The following ATP13A3 variants were observed in gnomAD, a reference collection of about 807,000 sequenced individuals.
ATP13A3 encodes polyamine-transporting ATPase 13A3.
A neutral mutation model predicts 158.1 loss-of-function variants in ATP13A3; 59 were observed. That is an observed-to-expected ratio of 0.37 (90% confidence interval 0.30 to 0.46). ATP13A3 has a LOEUF of 0.46. Among genes scored for constraint, ATP13A3 ranks in the 20% least tolerant of loss-of-function variants. ATP13A3 has a pLI of 1.00. For missense variants in ATP13A3, 1,166 were observed against 1,525.2 expected (o/e 0.76, Z 3.92); for synonymous variants, 491 against 504.3 (o/e 0.97, Z 0.35).
Position 194,437,544 on chromosome 3 carries a change from T to C in ATP13A3, c.1845+12A>G. On this transcript the variant is annotated intron_variant, in intron 18 of 33. Transcript: ENST00000645319. ...AAATATACTTAGTAAGAAGTAAACA[T>C]TCTTCACTTACTGGAAGTTCAAACA... 6.2e-7 allele frequency: 1 copy of C among 1,610,742 alleles called. No homozygotes were observed. The highest frequency in any genetic ancestry group is 8.5e-7 in the Non-Finnish European group (1 of 1,178,238).
chr3:194,427,235 A>C lies in ATP13A3; in HGVS notation c.2965T>G (p.Trp989Gly), dbSNP rs765657211. Residue 989 changes from tryptophan (W) to glycine (G), a missense_variant, in exon 29 of 34, where the codon TGG becomes GGG. Transcript: ENST00000645319. Reference sequence around the variant, plus strand: ...GGTCTTTGTGCCACAAGTTCTTTCCAGGCAGGATTTAAACTCACTATATTG... The same window carrying C: ...GGTCTTTGTGCCACAAGTTCTTTCCCGGCAGGATTTAAACTCACTATATTG... Reference protein sequence around the residue: ...VVFTMSLNPAWKELVAQRPPS... With the variant: ...VVFTMSLNPAGKELVAQRPPS... 6.2e-7 allele frequency: 1 copy of C among 1,604,336 alleles called. No individual in the cohort carries two copies. The highest frequency in any genetic ancestry group is 8.5e-7 in the Non-Finnish European group (1 of 1,177,846).
chr3:194,420,395 A>AT (rs1716207906), intron 30 of ATP13A3: 1 of 153,826 alleles, frequency 6.5e-6, no homozygotes, highest in South Asian at 2.0e-4. Context: ...GACAATTACT[A>AT]TTGACTGTAA....
rs1434163245 is a variant in ATP13A3, at chr3:194,427,662, TA to T, written c.2948-411del. 8.1e-5 allele frequency among the ~76,000 whole-genome samples: 12 copies of T among 148,320 alleles called. No homozygotes were observed. In the East Asian group the frequency reaches 2.4e-3, roughly 29 times the overall value. On this transcript the variant is annotated intron_variant, in intron 28 of 33. Transcript: ENST00000645319. ...ATAAATAAATAAATAAATAAATAAA[TA>T]AATAAATAAATAAATAAATAATTTT...
intron 2 of ATP13A3, among the ~76,000 whole-genome samples, chr3:194,483,915 T>G (rs1488404619): frequency 6.6e-6 from 1 of 152,182 alleles, no homozygotes; most frequent in Non-Finnish European, 1.5e-5. Flanking sequence ...AAAGGATGAG[T>G]ACAACATATC....
At chr3:194,422,515 A>G (rs1716462383) in intron 30 of ATP13A3, among the ~76,000 whole-genome samples, 2 of 152,220 alleles carry the variant, frequency 1.3e-5, no homozygotes, top group Admixed American at 6.5e-5. Context: ...AAATTATTTT[A>G]TCTATAAAAT....
intron 29 of ATP13A3, among the ~76,000 whole-genome samples, chr3:194,426,285 A>G (rs1050845132): frequency 2.6e-5 from 4 of 152,228 alleles, no homozygotes; most frequent in Non-Finnish European, 4.4e-5. Flanking sequence ...AATATCCCTC[A>G]GTCAAGCAAA....
rs753740880 is a variant in ATP13A3 at position 194,429,766 on chromosome 3, C to T, written c.2786G>A (p.Arg929His). Residue 929 changes from arginine to histidine, a missense_variant, in exon 27 of 34, where the codon CGT (arginine) becomes CAT (histidine). Arg to His is a conservative substitution (Grantham distance 29). Transcript: ENST00000645319. ...ACAGAAGGAAGTTATTAAAGCAGCA[C>T]GGCCTTCCCTGTGAAAAGAAATCAA... is the stretch of plus-strand genomic sequence containing the variant. ...SCVPNLIREGRAALITSFCVF... is the reference protein window; with the variant it reads ...SCVPNLIREGHAALITSFCVF... 21 of 1,613,444 alleles carry T rather than the reference C, an allele frequency of 1.3e-5. No individual in the cohort carries two copies. Among genetic ancestry groups the T allele is most frequent in the Non-Finnish European group, 1.6e-5 (19 of 1,179,662 alleles).
chr3:194,411,851 A>G (rs1560068027), intron 33 of ATP13A3, among the ~76,000 whole-genome samples: 1 of 152,228 alleles, frequency 6.6e-6, no homozygotes, highest in Non-Finnish European at 1.5e-5. Flanking sequence ...GGGACTCATG[A>G]AAAACAAAAA....
chr3:194,468,539 C>T (rs1167302134), intron 2 of ATP13A3, among the ~76,000 whole-genome samples: 1 of 152,044 alleles, frequency 6.6e-6, no homozygotes, highest in Non-Finnish European at 1.5e-5. Flanking sequence ...TATCCTATAC[C>T]ATGCTAAAAG....
chr3:194,437,987 C>T (rs909020005), intron 17 of ATP13A3, among the ~76,000 whole-genome samples: 1 of 152,120 alleles, frequency 6.6e-6, no homozygotes, highest in Non-Finnish European at 1.5e-5. Flanking sequence ...TGGTGAAACC[C>T]CATCTCTACT....
rs769897356 is a variant in ATP13A3, at chr3:194,430,158, G to A, written c.2691C>T (p.Gly897=). ...DCGALKRAHG[G]ISLSELEASV... is the part of the protein sequence containing the mutation. ...AAGCTTCGAGCTCCGATAAGGAAAT[G>A]CCTCCGTGTGCCCTCTTCAAAGCCT... is the stretch of plus-strand genomic sequence containing the variant. The change falls in exon 26 of 34, where the codon GGC becomes GGT. Residue 897 remains glycine, a synonymous_variant. Transcript: ENST00000645319. The A allele has an allele frequency of 6.2e-7, 1 of 1,614,070 alleles. No homozygotes were observed. The highest frequency in any genetic ancestry group is 1.1e-5 in the South Asian group (1 of 91,066).
At chr3:194,422,056 C>T (rs1716429263) in intron 30 of ATP13A3, among the ~76,000 whole-genome samples, 1 of 151,850 alleles carries the variant, frequency 6.6e-6, no homozygotes, top group Non-Finnish European at 1.5e-5. Flanking sequence ...TTGGATCCCA[C>T]CTCTAAAAAT....
chr3:194,431,048 T>A lies in ATP13A3; in HGVS notation c.2545-26A>T, dbSNP rs377225837. The A allele has an allele frequency of 8.4e-4, 1,351 of 1,613,436 alleles. 3 individuals carry two copies. Among genetic ancestry groups the A allele is most frequent in the Non-Finnish European group, 9.3e-4 (1,095 of 1,179,620 alleles). On this transcript the variant is annotated intron_variant, in intron 23 of 33. Transcript: ENST00000645319. ...CTGGAAACAATAATACAAATTTTTT[T>A]AAAATACTGTTGCGATGCATTCATG...
intron 3 of ATP13A3, among the ~76,000 whole-genome samples, chr3:194,461,596 G>A (rs888881867): frequency 6.6e-6 from 1 of 152,166 alleles, no homozygotes; most frequent in Admixed American, 6.6e-5. Flanking sequence ...AAATGAAAAT[G>A]CAGGTGGCCC....
chr3:194,459,487 T>A lies in ATP13A3; in HGVS notation c.463A>T (p.Asn155Tyr). ...GATACTTACTTTAAGAAATCAAAAT[T>A]GTGAATGGTATCATTCCAGAAATAT... ...VKYFWNDTIH[N>Y]FDFLKGLDEG... Residue 155 changes from asparagine (N) to tyrosine (Y), a missense_variant, in exon 6 of 34, where the codon AAT (asparagine) becomes TAT (tyrosine). Transcript: ENST00000645319. The A allele has an allele frequency of 1.9e-6, 3 of 1,593,356 alleles. No homozygotes were observed. Among genetic ancestry groups the A allele is most frequent in the Non-Finnish European group, 2.6e-6 (3 of 1,161,644 alleles).
At chr3:194,423,311 G>A (rs1215186061) in intron 30 of ATP13A3, among the ~76,000 whole-genome samples, 1 of 152,216 alleles carries the variant, frequency 6.6e-6, no homozygotes, top group East Asian at 1.9e-4. Context: ...GCCTAAGGCT[G>A]AGATTAATTC....
intron 22 of ATP13A3, 73 bp downstream of exon 22, chr3:194,431,644 A>T (rs1717228295): frequency 7.2e-7 from 1 of 1,381,248 alleles, no homozygotes. Context: ...GTTTTAATGC[A>T]CCACTTTTTT....
At chr3:194,481,496 G>A (rs546690422) in intron 2 of ATP13A3, among the ~76,000 whole-genome samples, 51 of 152,162 alleles carry the variant, frequency 3.4e-4, no homozygotes, top group African/African-American at 1.2e-3. Flanking sequence ...AGACCATAAA[G>A]GATCCTTTAT....
chr3:194,485,376 G>A (rs1331880211), intron 2 of ATP13A3, among the ~76,000 whole-genome samples: 1 of 152,164 alleles, frequency 6.6e-6, no homozygotes, highest in Non-Finnish European at 1.5e-5. Flanking sequence ...CAAACCTCTA[G>A]AGAAAATAAT....
Sources: allele counts gnomAD v4.1 joint callset (sites outside exome capture counted in the v4.1 genomes callset), GRCh38; gene constraint gnomAD v4.1.1; transcripts MANE v1.5; gene names NCBI Gene and HGNC (gene_info 2026-07-23, HGNC 2026-07-21).